SRPK2: variants seen among roughly 807,000 people sequenced by gnomAD.
SRPK2 encodes the protein SFRS protein kinase 2.
SRPK2 carries 21 observed loss-of-function variants against 90.8 expected under a neutral mutation model. That is an observed-to-expected ratio of 0.23 (90% confidence interval 0.16 to 0.33). The LOEUF is 0.33. Among genes scored for constraint, SRPK2 ranks in the 10% least tolerant of loss-of-function variants. SRPK2 has a pLI of 1.00. For missense variants in SRPK2, 620 were observed against 869.0 expected (o/e 0.71, Z 3.60); for synonymous variants, 288 against 311.1 (o/e 0.93, Z 0.78).
chr7:105,184,454 C>G (rs1654029069), intron 3 of SRPK2, among the ~76,000 whole-genome samples: 1 of 152,216 alleles, frequency 6.6e-6, no homozygotes, highest in Admixed American at 6.5e-5. Flanking sequence ...GTCCATTTAA[C>G]TGTCTAGTTA....
At chr7:105,195,043 T>G (rs746779207) in intron 3 of SRPK2, among the ~76,000 whole-genome samples, 2 of 152,162 alleles carry the variant, frequency 1.3e-5, no homozygotes, top group Non-Finnish European at 2.9e-5. Flanking sequence ...CTAAATATAT[T>G]TTTATTTTTT....
intron 2 of SRPK2, among the ~76,000 whole-genome samples, chr7:105,362,204 C>G (rs1818502776): frequency 6.6e-6 from 1 of 152,136 alleles, no homozygotes; most frequent in South Asian, 2.1e-4. Flanking sequence ...GACATTTATG[C>G]AGCCAACAGA....
intron 6 of SRPK2, among the ~76,000 whole-genome samples, chr7:105,160,992 C>A (rs1458521928): frequency 6.6e-6 from 1 of 152,008 alleles, no homozygotes; most frequent in Non-Finnish European, 1.5e-5. Flanking sequence ...GTGGTGTGAT[C>A]TTGGCTCACT....
chr7:105,181,852 T>C (rs1406818615), intron 3 of SRPK2, among the ~76,000 whole-genome samples: 2 of 130,984 alleles, frequency 1.5e-5, no homozygotes, highest in African/African-American at 2.8e-5. Context: ...CATGTGCACA[T>C]ACATGTACCC....
intron 2 of SRPK2, among the ~76,000 whole-genome samples, chr7:105,385,226 G>A (rs1821418833): frequency 8.1e-6 from 1 of 122,966 alleles, no homozygotes; most frequent in South Asian, 2.7e-4. Context: ...TGTCGCCCAA[G>A]CTGGAGTGCA....
At chr7:105,120,716 A>G (rs1800217859) in intron 15 of SRPK2, among the ~76,000 whole-genome samples, 1 of 152,210 alleles carries the variant, frequency 6.6e-6, no homozygotes, top group Non-Finnish European at 1.5e-5. Context: ...TGCAAAGGAA[A>G]ATCAACTCAC....
intron 2 of SRPK2, among the ~76,000 whole-genome samples, chr7:105,384,572 T>A (rs1821318086): frequency 6.6e-6 from 1 of 152,210 alleles, no homozygotes; most frequent in African/African-American, 2.4e-5. Context: ...TTGCCAGTCA[T>A]CATATTAATA....
At chr7:105,277,722 A>G (rs17640644) in intron 2 of SRPK2, among the ~76,000 whole-genome samples, 66,436 of 152,078 alleles carry the variant, frequency 0.44, 15,820 homozygotes, top group South Asian at 0.53. Context: ...GGTAAACTGA[A>G]CATTCAAAAA....
At chr7:105,130,411 G>A (rs561059318) in intron 13 of SRPK2, among the ~76,000 whole-genome samples, 9 of 152,126 alleles carry the variant, frequency 5.9e-5, no homozygotes, top group South Asian at 2.1e-4. Flanking sequence ...TTAGCCAGGC[G>A]TGGTGGCATG....
At chr7:105,302,415 G>A (rs774524718) in intron 2 of SRPK2, among the ~76,000 whole-genome samples, 1 of 152,162 alleles carries the variant, frequency 6.6e-6, no homozygotes. Flanking sequence ...GTCTTTTAAA[G>A]GAGTATGAAG....
At chr7:105,155,770 T>A (rs1806403933) in intron 7 of SRPK2, among the ~76,000 whole-genome samples, 1 of 152,164 alleles carries the variant, frequency 6.6e-6, no homozygotes, top group Non-Finnish European at 1.5e-5. Context: ...TAGACAAGGA[T>A]GGCATTTCTG....
At position 105,127,033 on chromosome 7, in the gene SRPK2, C is replaced by T; in HGVS notation, c.1782G>A (p.Leu594=). The change falls in exon 14 of 16, where the codon TTG becomes TTA. Residue 594 remains leucine, a synonymous_variant. Coordinates refer to ENST00000393651, the MANE Select transcript of SRPK2 (RefSeq NM_182692.3). ...AGTCTTCCCCAGAATGTGGTTCAAA[C>T]AAATAATCTCCCGTTGCCAGCTCAA... ...MAFELATGDY[L]FEPHSGEDYS... is the part of the protein sequence containing the mutation. 4 of 1,614,142 alleles carry T rather than the reference C, an allele frequency of 2.5e-6. No homozygotes were observed. Among genetic ancestry groups the T allele is most frequent in the Non-Finnish European group, 3.4e-6 (4 of 1,180,006 alleles).
chr7:105,359,115 T>C (rs568852095), intron 2 of SRPK2, among the ~76,000 whole-genome samples: 4 of 150,280 alleles, frequency 2.7e-5, no homozygotes, highest in East Asian at 4.0e-4. Flanking sequence ...AACATGAGGC[T>C]TGGAGAGGTC....
chr7:105,366,623 C>T (rs1324260179), intron 2 of SRPK2, among the ~76,000 whole-genome samples: 4 of 152,174 alleles, frequency 2.6e-5, no homozygotes, highest in Admixed American at 6.6e-5. Flanking sequence ...CCCGCCTCAG[C>T]CTCCCAAAGT....
chr7:105,264,057 C>T (rs566416354), intron 2 of SRPK2, among the ~76,000 whole-genome samples: 8 of 152,252 alleles, frequency 5.3e-5, no homozygotes, highest in East Asian at 1.9e-4. Context: ...GGGAAAACAA[C>T]GAAGAAAGAC....
intron 15 of SRPK2, among the ~76,000 whole-genome samples, chr7:105,119,595 G>A (rs974079676): frequency 6.6e-6 from 1 of 152,170 alleles, no homozygotes; most frequent in African/African-American, 2.4e-5. Flanking sequence ...GTAAAGCATC[G>A]CATCCAGACT....
intron 3 of SRPK2, among the ~76,000 whole-genome samples, chr7:105,170,977 G>GAAAGAAAGAGAAAGAA (rs749907215): frequency 2.4e-5 from 1 of 42,210 alleles, no homozygotes; most frequent in African/African-American, 1.0e-4. Context: ...GAGAAAGAAA[G>GAAAGAAAGAGAAAGAA]AGAAAGAAAG....
rs1380061162 is a variant in SRPK2 at position 105,132,745 on chromosome 7, G to C, written c.1752+46C>G. On this transcript the variant is annotated intron_variant, in intron 13 of 15. Transcript: ENST00000393651. The stretch of plus-strand genomic sequence containing the variant: ...ACTCAGCCCCATCCAGAGTGTGAAA[G>C]GAACGAGCCAATTCCCATGGCAGCA... 1.0e-5 allele frequency: 15 copies of C among 1,478,280 alleles called. No homozygotes were observed. In the South Asian group the frequency reaches 1.8e-4, roughly 18 times the overall value. The allele number at this position is 1,478,280 out of a possible 1,614,324, so 91.6% of individuals were successfully genotyped here.
intron 2 of SRPK2, among the ~76,000 whole-genome samples, chr7:105,229,727 A>G (rs1420751719): frequency 6.6e-6 from 1 of 151,734 alleles, no homozygotes; most frequent in African/African-American, 2.4e-5. Context: ...GAAATATCAA[A>G]CAATCATATA....
Sources: gnomAD v4.1 joint callset for allele counts (sites outside exome capture counted in the v4.1 genomes callset) on GRCh38, gnomAD v4.1.1 for gene constraint, MANE v1.5 for transcripts, NCBI Gene and HGNC (gene_info 2026-07-23, HGNC 2026-07-21) for gene names.